The following SLC39A4 variants were observed in gnomAD, a reference collection of about 807,000 sequenced individuals.
SLC39A4 encodes zinc transporter ZIP4.
SLC39A4 carries 49 observed loss-of-function variants against 56.6 expected under a neutral mutation model. That is an observed-to-expected ratio of 0.87 (90% CI 0.69 to 1.10). The LOEUF is 1.10. Ranked by LOEUF, SLC39A4 falls within the 50% of genes least tolerant of loss-of-function variation. The pLI is 0.00. For missense variants in SLC39A4, 993 were observed against 864.2 expected, an observed-to-expected ratio of 1.15 and a Z score of -1.87; for synonymous variants, 540 against 420.4, an observed-to-expected ratio of 1.28 and a Z score of -3.48.
rs1554874212 is a variant in SLC39A4 at position 144,416,815 on chromosome 8, G to A, written c.-26C>T. The A allele has an allele frequency of 6.2e-7, 1 of 1,601,828 alleles. No homozygotes were observed. Among genetic ancestry groups the A allele is most frequent in the Non-Finnish European group, 8.5e-7 (1 of 1,175,630 alleles). ...ACTCAGCTCCCAGCGTGCTCAGTGG[G>A]TGTTGCTGTGGCCAAGGCCCAGTGC... On this transcript the variant is annotated 5_prime_UTR_variant, in exon 1 of 12. Coordinates refer to ENST00000301305, the MANE Select transcript of SLC39A4 (RefSeq NM_130849.4).
chr8:144,413,869 C>G lies in SLC39A4; in HGVS notation c.1300G>C (p.Gly434Arg). The change falls in exon 8 of 12, where the codon GGG becomes CGG. Residue 434 changes from glycine to arginine, a missense_variant. Physicochemically the swap from Gly to Arg is moderately radical, Grantham distance 125. Transcript: ENST00000301305. ...LPRDPEDLED[G>R]PCGHSSHSHG... is the part of the protein sequence containing the mutation. ...CTATGGCTGCTGTGGCCGCAGGGCC[C>G]GTCCTCCAGGTCCTGTGAGGGTAGG... 1 of 1,604,386 alleles carries G rather than the reference C, an allele frequency of 6.2e-7. No individual in the cohort carries two copies. The highest frequency in any genetic ancestry group is 8.5e-7 in the Non-Finnish European group (1 of 1,177,594).
In SLC39A4 at chr8:144,413,355, G is replaced by A. The variant is rs782723841; in HGVS notation, c.1509C>T (p.Gly503=). 1.9e-5 allele frequency: 30 copies of A among 1,607,332 alleles called. No individual in the cohort carries two copies. Among genetic ancestry groups the A allele is most frequent in the African/African-American group, 4.0e-5 (3 of 74,922 alleles). Residue 503 remains glycine, a synonymous_variant, in exon 10 of 12, where the codon GGC becomes GGT. Transcript: ENST00000301305. Reference sequence around the variant, plus strand: ...CGTCGGCGAAGTTGTGCACGGCGTCGCCCAGAGTGATCATATAGGGCAGTA... The same window carrying A: ...CGTCGGCGAAGTTGTGCACGGCGTCACCCAGAGTGATCATATAGGGCAGTA... ...LRLLPYMITL[G]DAVHNFADGL... is the part of the protein sequence containing the mutation.
At position 144,415,423 on chromosome 8, in the gene SLC39A4, G is replaced by A. The variant is rs1418250630; in HGVS notation, c.475-4C>T. ...GCTGAGGGATATCTACGCAGGCCTGGGGAAGAGGGGGCCTCCGCCTCAGCC... is the reference window on the plus strand; with the variant it reads ...GCTGAGGGATATCTACGCAGGCCTGAGGAAGAGGGGGCCTCCGCCTCAGCC... On this transcript the variant is annotated splice_polypyrimidine_tract_variant and splice_region_variant and intron_variant, in intron 2 of 11. Coordinates refer to ENST00000301305, the MANE Select transcript of SLC39A4 (RefSeq NM_130849.4). 6.3e-7 allele frequency: 1 copy of A among 1,594,796 alleles called. No homozygotes were observed. Among genetic ancestry groups the A allele is most frequent in the South Asian group, 1.1e-5 (1 of 89,136 alleles).
In SLC39A4 at chr8:144,416,107, A is replaced by G; in HGVS notation, c.193-16T>C. On this transcript the variant is annotated splice_polypyrimidine_tract_variant and intron_variant, in intron 1 of 11. Transcript: ENST00000301305. ...CAGACAGGCACTGTGGGCAGAGACA[A>G]GTGAGCAGGGGCGCTGGGCCCACCA... The G allele has an allele frequency of 6.2e-7, 1 of 1,601,064 alleles. No individual in the cohort carries two copies. The highest frequency in any genetic ancestry group is 8.5e-7 in the Non-Finnish European group (1 of 1,177,078).
chr8:144,416,483 G>A, intron 1 of SLC39A4, 115 bp downstream of exon 1: 1 of 1,478,882 alleles, frequency 6.8e-7, no homozygotes. Context: ...CCCAGGTACT[G>A]CCACTAGCCT....
At chr8:144,415,748 GGT>G in intron 2 of SLC39A4, 60 bp downstream of exon 2, 1 of 1,513,234 alleles carries the variant, frequency 6.6e-7, no homozygotes, top group Middle Eastern at 2.4e-4. Context: ...AGCCAGGCCG[GGT>G]CCCATGGGCC....
rs574369467 is a variant in SLC39A4 at position 144,416,358 on chromosome 8, G to A, written c.192+240C>T. On this transcript the variant is annotated intron_variant, in intron 1 of 11. Coordinates refer to ENST00000301305, the MANE Select transcript of SLC39A4 (RefSeq NM_130849.4). ...ACTGCCAATTTGATGGCAGAGGGCC[G>A]GCAGGGGGAGTTGGCCCTGGGGTCC... 5.3e-5 allele frequency: 78 copies of A among 1,460,192 alleles called. 2 individuals carry two copies. Among genetic ancestry groups the A allele is most frequent in the South Asian group, 4.1e-4 (29 of 71,000 alleles). 90.5% of individuals were successfully genotyped at this position (1,460,192 alleles called of 1,614,324 possible). A position where few individuals can be genotyped will look rare whatever the true frequency, so the allele number is the denominator to read the frequency against.
chr8:144,413,060 G>T, intron 10 of SLC39A4, 114 bp from the exon 11 acceptor site: 1 of 844,886 alleles, frequency 1.2e-6, no homozygotes, highest in Non-Finnish European at 1.5e-6. Context: ...CGGTCTCCCC[G>T]CCCAGCCGTC....
At chr8:144,414,687 C>T in intron 5 of SLC39A4, 38 bp downstream of exon 5, 1 of 1,609,632 alleles carries the variant, frequency 6.2e-7, no homozygotes, top group Non-Finnish European at 8.5e-7. Flanking sequence ...CGGGCTCCAC[C>T]TCTGTGCTGC....
rs376744681 is a variant in SLC39A4, at chr8:144,413,738, G to A, written c.1419+12C>T. 2.5e-5 allele frequency: 38 copies of A among 1,535,716 alleles called. No homozygotes were observed. The African/African-American group carries it at 4.9e-4, about 20-fold the overall frequency. On this transcript the variant is annotated intron_variant, in intron 8 of 11. Transcript: ENST00000301305. Reference sequence around the variant, plus strand: ...GGCTCCGCGTGGGATGGGGCATCTGGCGCCCACTCACCAGGTCTGCGCGGG... The same window carrying A: ...GGCTCCGCGTGGGATGGGGCATCTGACGCCCACTCACCAGGTCTGCGCGGG...
At position 144,414,754 on chromosome 8, in the gene SLC39A4, G is replaced by T; in HGVS notation, c.947C>A (p.Pro316His). 1 of 1,613,024 alleles carries T rather than the reference G, an allele frequency of 6.2e-7. No individual in the cohort carries two copies. Among genetic ancestry groups the T allele is most frequent in the Non-Finnish European group, 8.5e-7 (1 of 1,179,912 alleles). Residue 316 changes from proline (P) to histidine (H), a missense_variant, in exon 5 of 12, where the codon CCC becomes CAC. Physicochemically the swap from Pro to His is moderately conservative, Grantham distance 77. Coordinates refer to ENST00000301305, the MANE Select transcript of SLC39A4 (RefSeq NM_130849.4). ...SGACTSQSRPPVQDQLSQSER... is the reference protein window; with the variant it reads ...SGACTSQSRPHVQDQLSQSER... ...TGACTGGCTGAGCTGGTCCTGGACG[G>T]GGGGCCTGGACTGGGAGGTGCAGGC...
intron 2 of SLC39A4, among the ~76,000 whole-genome samples, 174 bp from the exon 3 acceptor site, chr8:144,415,593 C>T (rs1308442367): frequency 6.6e-6 from 1 of 152,166 alleles, no homozygotes; most frequent in East Asian, 1.9e-4. Flanking sequence ...CCCACTCAGG[C>T]CTCTGGGTTC....
rs1554873793 is a variant in SLC39A4 at position 144,415,831 on chromosome 8, A to G, written c.453T>C (p.Ala151=). The G allele has an allele frequency of 6.3e-7, 1 of 1,594,736 alleles. No homozygotes were observed. The highest frequency in any genetic ancestry group is 2.2e-5 in the East Asian group (1 of 44,600). ...SWLLQRMQAR[A]AGQTPKMACV... ...TCACCATCTTGGGGGTCTGGCCGGCAGCCCGGGCCTGCATCCTCTGCAGCA... is the reference window on the plus strand; with the variant it reads ...TCACCATCTTGGGGGTCTGGCCGGCGGCCCGGGCCTGCATCCTCTGCAGCA... Residue 151 remains alanine (A), a synonymous_variant, in exon 2 of 12, where the codon GCT becomes GCC. Transcript: ENST00000301305.
In SLC39A4 at chr8:144,415,477, G is replaced by A. The variant is rs898122829; in HGVS notation, c.475-58C>T. On this transcript the variant is annotated intron_variant, in intron 2 of 11. Coordinates refer to ENST00000301305, the MANE Select transcript of SLC39A4 (RefSeq NM_130849.4). ...GGTGTGACCTTCTGCCATCCACCCCGCTGCCCCTGGATGCATCTCCCACCC... is the reference window on the plus strand; with the variant it reads ...GGTGTGACCTTCTGCCATCCACCCCACTGCCCCTGGATGCATCTCCCACCC... The A allele has an allele frequency of 6.7e-5, 101 of 1,515,072 alleles. No individual in the cohort carries two copies. In the African/African-American group the frequency reaches 7.3e-4, roughly 11 times the overall value. 93.9% of individuals were successfully genotyped at this position (1,515,072 alleles called of 1,614,324 possible).
At chr8:144,413,016 G>A in intron 10 of SLC39A4, 70 bp from the exon 11 acceptor site, 1 of 1,464,802 alleles carries the variant, frequency 6.8e-7, no homozygotes, top group Non-Finnish European at 9.1e-7. Flanking sequence ...TTTCGGTCCC[G>A]CCCTCTTACC....
rs782347844 is a variant in SLC39A4 at position 144,415,386 on chromosome 8, C to T, written c.508G>A (p.Ala170Thr). Residue 170 changes from alanine (A) to threonine (T), a missense_variant, in exon 3 of 12, where the codon GCG (alanine) becomes ACG (threonine). By Grantham distance (58) the Ala-to-Thr change is moderately conservative. Transcript: ENST00000301305. ...CVDIPQLLEE[A>T]VGAGAPGSAG... ...CTGCCCGGAGCCCCCGCCCCCACCGCCTCCTCCAGCAGCTGAGGGATATCT... is the reference window on the plus strand; with the variant it reads ...CTGCCCGGAGCCCCCGCCCCCACCGTCTCCTCCAGCAGCTGAGGGATATCT... 2 of 1,607,518 alleles carry T rather than the reference C, an allele frequency of 1.2e-6. No individual in the cohort carries two copies. The highest frequency in any genetic ancestry group is 1.1e-5 in the South Asian group (1 of 90,442).
Position 144,412,661 on chromosome 8 carries a change from C to G in SLC39A4, c.1821G>C (p.Pro607=), listed in dbSNP as rs1554871852. The G allele has an allele frequency of 9.9e-6, 16 of 1,613,834 alleles. No homozygotes were observed. The East Asian group carries it at 2.5e-4, about 25-fold the overall frequency. The stretch of plus-strand genomic sequence containing the variant: ...GCGGGTCCCGTACTTTCAACATCGC[C>G]GGGAGCTGAGGAGCAAGTGGGCACC... ...FLYVALCDML[P]AMLKVRDPRP... is the part of the protein sequence containing the mutation. The change falls in exon 12 of 12, where the codon CCG becomes CCC. Residue 607 remains proline, a synonymous_variant. Coordinates refer to ENST00000301305, the MANE Select transcript of SLC39A4 (RefSeq NM_130849.4).
chr8:144,416,822 T>C lies in SLC39A4; in HGVS notation c.-33A>G, dbSNP rs781841664. On this transcript the variant is annotated 5_prime_UTR_variant, in exon 1 of 12. Transcript: ENST00000301305. ...TCCCAGCGTGCTCAGTGGGTGTTGC[T>C]GTGGCCAAGGCCCAGTGCTTCTGGG... 3.8e-6 allele frequency: 6 copies of C among 1,595,878 alleles called. No homozygotes were observed. In the Admixed American group the frequency reaches 8.7e-5, roughly 23 times the overall value.
chr8:144,414,261 C>T lies in SLC39A4; in HGVS notation c.1149+1G>A. 3 of 1,608,114 alleles carry T rather than the reference C, an allele frequency of 1.9e-6. No individual in the cohort carries two copies. The highest frequency in any genetic ancestry group is 1.1e-5 in the South Asian group (1 of 89,452). On this transcript the variant is annotated splice_donor_variant, in intron 6 of 11. Coordinates refer to ENST00000301305, the MANE Select transcript of SLC39A4 (RefSeq NM_130849.4). LOFTEE classifies it high-confidence loss of function. ...AGGGTCGCGGGTTTGTGGGGGCAGA[C>T]CTTGGGCGTCAGATGCAGGACAGCG... is the stretch of plus-strand genomic sequence containing the variant.
Sources: allele counts gnomAD v4.1 joint callset (sites outside exome capture counted in the v4.1 genomes callset), GRCh38; gene constraint gnomAD v4.1.1; transcripts MANE v1.5; gene names NCBI Gene and HGNC (gene_info 2026-07-23, HGNC 2026-07-21).